The following PCDHGA1 variants were observed in gnomAD, a reference collection of about 807,000 sequenced individuals.
PCDHGA1 encodes the protein protocadherin gamma-A1.
Under a neutral mutation model 58.0 loss-of-function variants are expected in PCDHGA1, and 32 were observed. The observed-to-expected ratio is 0.55, with a 90% confidence interval of 0.42 to 0.74. The LOEUF (loss-of-function observed/expected upper bound fraction) is 0.74, where lower values mean the gene tolerates loss of function less well. Among genes scored for constraint, PCDHGA1 ranks in the 30% least tolerant of loss-of-function variants. The probability of loss-of-function intolerance (pLI) is 0.00; values close to 1 mark genes in which losing one functional copy is unlikely to be tolerated. For missense variants in PCDHGA1, 1,205 were observed against 1,182.3 expected (o/e 1.02, Z -0.28); for synonymous variants, 498 against 501.1 (o/e 0.99, Z 0.08).
rs1046764113 is a variant in PCDHGA1, at chr5:141,495,395, G to A, written c.2480+530G>A. Among the ~76,000 whole-genome samples the A allele has an allele frequency of 4.1e-4, 62 of 152,326 alleles. 1 individual carries two copies. The highest frequency in any genetic ancestry group is 1.4e-3 in the African/African-American group (57 of 41,576). On this transcript the variant is annotated intron_variant, in intron 2 of 3. Transcript: ENST00000517417. Reference sequence around the variant, plus strand: ...GAGGAAGGACTGGGCGGGGCATGGAGCAGGCCCCCTTCTCCGGCCCCTCCT... The same window carrying A: ...GAGGAAGGACTGGGCGGGGCATGGAACAGGCCCCCTTCTCCGGCCCCTCCT...
intron 2 of PCDHGA1, among the ~76,000 whole-genome samples, chr5:141,503,598 CAA>C (rs765754054): frequency 2.7e-4 from 18 of 65,718 alleles, no homozygotes; most frequent in Admixed American, 6.9e-4. Flanking sequence ...GACTCCAGCT[CAA>C]AAAAAAAAAA....
intron 1 of PCDHGA1, among the ~76,000 whole-genome samples, chr5:141,429,602 C>T (rs548994907): frequency 1.1e-4 from 16 of 152,218 alleles, no homozygotes; most frequent in African/African-American, 3.6e-4. Flanking sequence ...TTCAAGTAAA[C>T]TCAATTTTAT....
chr5:141,341,142 T>A, intron 1 of PCDHGA1: 1 of 1,614,230 alleles, frequency 6.2e-7, no homozygotes, highest in Non-Finnish European at 8.5e-7. Flanking sequence ...AAGTCACGCC[T>A]GCTGCAGGCT....
At position 141,460,491 on chromosome 5, in the gene PCDHGA1, A is replaced by G. The variant is rs544539917; in HGVS notation, c.2422-34316A>G. Among the ~76,000 whole-genome samples, 240 of 152,272 alleles carry G rather than the reference A, an allele frequency of 1.6e-3. 1 individual carries two copies. Among genetic ancestry groups the G allele is most frequent in the Non-Finnish European group, 2.6e-3 (177 of 68,014 alleles). On this transcript the variant is annotated intron_variant, in intron 1 of 3. Transcript: ENST00000517417. ...AAGGAATATCCAATTGTCTCTTTGG[A>G]AAAATATGCTGAGAAGGCTATCTTT...
chr5:141,400,789 C>G (rs1415192979), intron 1 of PCDHGA1: 1 of 561,844 alleles, frequency 1.8e-6, no homozygotes, highest in Non-Finnish European at 3.1e-6. Context: ...TTTTTGTCCT[C>G]TTTCTCAAAG....
Position 141,409,459 on chromosome 5 carries a change from T to C in PCDHGA1, c.2421+76354T>C, listed in dbSNP as rs139792503. On this transcript the variant is annotated intron_variant, in intron 1 of 3. Coordinates refer to ENST00000517417, the MANE Select transcript of PCDHGA1 (RefSeq NM_018912.3). ...ACCGAGAGCAGACACCAGAATACAA[T>C]GTCACCATCGTAGCCACTGACAGGG... 4.9e-3 allele frequency: 7,986 copies of C among 1,613,950 alleles called. 44 individuals are homozygous for C. The highest frequency in any genetic ancestry group is 9.4e-3 in the Admixed American group (567 of 60,028).
At chr5:141,410,302 A>G (rs1332359508) in intron 1 of PCDHGA1, 1 of 1,613,356 alleles carries the variant, frequency 6.2e-7, no homozygotes, top group Non-Finnish European at 8.5e-7. Context: ...CCTTAATCTC[A>G]GTGCTCTTCC....
intron 2 of PCDHGA1, among the ~76,000 whole-genome samples, chr5:141,501,333 A>ACACACC (rs1186649373): frequency 1.5e-4 from 21 of 140,134 alleles, no homozygotes; most frequent in African/African-American, 3.4e-4. Flanking sequence ...ACACACACAC[A>ACACACC]CCCCAAACTC....
rs200964276 is a variant in PCDHGA1 at position 141,371,678 on chromosome 5, C to G, written c.2421+38573C>G. The G allele has an allele frequency of 1.6e-3, 2,661 of 1,614,038 alleles. 3 individuals carry two copies. Among genetic ancestry groups the G allele is most frequent in the Non-Finnish European group, 2.1e-3 (2,441 of 1,179,894 alleles). On this transcript the variant is annotated intron_variant, in intron 1 of 3. Coordinates refer to ENST00000517417, the MANE Select transcript of PCDHGA1 (RefSeq NM_018912.3). ...TGACGATCACAGCTACCGACAAAGG[C>G]AATCCACCGCTCTCCTCCAGCAAGA...
At chr5:141,376,287 T>A in intron 1 of PCDHGA1, 1 of 1,614,228 alleles carries the variant, frequency 6.2e-7, no homozygotes, top group Non-Finnish European at 8.5e-7. Flanking sequence ...TTAGCGAGCA[T>A]GCCCGGCTCG....
chr5:141,384,703 G>C lies in PCDHGA1; in HGVS notation c.2421+51598G>C, dbSNP rs776947081. ...GGTGGACAAAGATTCAGGCCAGAAC[G>C]CCTGGCTGTCATACCTCCTGCTTAA... On this transcript the variant is annotated intron_variant, in intron 1 of 3. Transcript: ENST00000517417. 2 of 1,613,982 alleles carry C rather than the reference G, an allele frequency of 1.2e-6. No individual in the cohort carries two copies. Among genetic ancestry groups the C allele is most frequent in the African/African-American group, 1.3e-5 (1 of 74,932 alleles).
intron 1 of PCDHGA1, chr5:141,352,838 A>G: frequency 1.4e-6 from 1 of 719,242 alleles, no homozygotes; most frequent in African/African-American, 1.8e-5. Flanking sequence ...AATTACAAAA[A>G]TTAGTTGGGT....
At chr5:141,393,768 A>G in intron 1 of PCDHGA1, 1 of 1,613,968 alleles carries the variant, frequency 6.2e-7, no homozygotes, top group East Asian at 2.2e-5. Flanking sequence ...TGAAATGGAA[A>G]TACAAGCCGA....
At chr5:141,413,333 C>T in intron 1 of PCDHGA1, 1 of 1,613,966 alleles carries the variant, frequency 6.2e-7, no homozygotes, top group Non-Finnish European at 8.5e-7. Context: ...GGCAACATCT[C>T]CAAGGACTTG....
chr5:141,375,184 C>A (rs757225197), intron 1 of PCDHGA1: 23 of 1,613,856 alleles, frequency 1.4e-5, no homozygotes, highest in Middle Eastern at 1.6e-4. Context: ...CAGTAATCGC[C>A]CTTTTTCAAG....
At chr5:141,361,018 A>G in intron 1 of PCDHGA1, 1 of 1,613,362 alleles carries the variant, frequency 6.2e-7, no homozygotes, top group Non-Finnish European at 8.5e-7. Context: ...TTTCAACTTA[A>G]ATGAAAAAAC....
chr5:141,364,733 G>A (rs536236780), intron 1 of PCDHGA1: 54 of 1,613,954 alleles, frequency 3.3e-5, no homozygotes, highest in East Asian at 2.2e-4. Context: ...GCGTTTCCGG[G>A]ATGAAGAGTT....
chr5:141,375,016 C>T (rs939863882), intron 1 of PCDHGA1: 3 of 1,613,992 alleles, frequency 1.9e-6, no homozygotes, highest in Non-Finnish European at 1.7e-6. Flanking sequence ...ACTATGAGGA[C>T]TCGAGTTTTT....
At chr5:141,365,560 GGACAGAGAAGA>G in intron 1 of PCDHGA1, 1 of 1,613,652 alleles carries the variant, frequency 6.2e-7, no homozygotes, top group Non-Finnish European at 8.5e-7. Context: ...CTAGGGACCT[GGACAGAGAAGA>G]GACTTCAGAT....
Sources: allele counts gnomAD v4.1 joint callset (sites outside exome capture counted in the v4.1 genomes callset), GRCh38; gene constraint gnomAD v4.1.1; transcripts MANE v1.5; gene names NCBI Gene and HGNC (gene_info 2026-07-23, HGNC 2026-07-21).